PPP1R7: variants seen among roughly 807,000 people sequenced by gnomAD.
PPP1R7 encodes the protein protein phosphatase 1 regulatory subunit 22.
In PPP1R7, 18 loss-of-function variants were observed where a neutral mutation model predicts 45.2. The observed-to-expected ratio is 0.40, with a 90% CI of 0.28 to 0.59. The LOEUF is 0.59. Ranked by LOEUF, PPP1R7 falls within the 20% of genes least tolerant of loss-of-function variation. PPP1R7 has a pLI of 0.46. For missense variants in PPP1R7, 314 were observed against 455.8 expected, an observed-to-expected ratio of 0.69 and a Z score of 2.83; for synonymous variants, 181 against 183.4, an observed-to-expected ratio of 0.99 and a Z score of 0.11.
At chr2:241,154,000 T>C (rs2067383294) in intron 2 of PPP1R7, among the ~76,000 whole-genome samples, 2 of 151,420 alleles carry the variant, frequency 1.3e-5, no homozygotes, top group African/African-American at 2.4e-5. Context: ...GCCAACATGG[T>C]GAAACCCTGT....
At chr2:241,151,182 G>A (rs765678880) in intron 1 of PPP1R7, among the ~76,000 whole-genome samples, 1 of 152,168 alleles carries the variant, frequency 6.6e-6, no homozygotes, top group Non-Finnish European at 1.5e-5. Context: ...CTGCATATCT[G>A]TAGGTACAGT....
In PPP1R7 at chr2:241,158,943, A is replaced by ACGCCTCCCTC. The variant is rs1236181120; in HGVS notation, c.304-268_304-259dup. 54 of 454,530 alleles carry ACGCCTCCCTC rather than the reference A, an allele frequency of 1.2e-4. No homozygotes were observed. The South Asian group carries it at 1.3e-3, about 11-fold the overall frequency. 28.2% of individuals were successfully genotyped at this position (454,530 alleles called of 1,614,324 possible). Reference sequence around the variant, plus strand: ...TGGCAGACACCCACACCCCAGGCCAACGCCTCCCTCCCCAACTGGCCTGCT... The same window carrying ACGCCTCCCTC: ...TGGCAGACACCCACACCCCAGGCCAACGCCTCCCTCCGCCTCCCTCCCCAACTGGCCTGCT... On this transcript the variant is annotated intron_variant, in intron 4 of 9. Transcript: ENST00000234038.
At chr2:241,180,969 C>T (rs990569610) in intron 9 of PPP1R7, among the ~76,000 whole-genome samples, 7 of 152,102 alleles carry the variant, frequency 4.6e-5, no homozygotes, top group Non-Finnish European at 8.8e-5. Context: ...GAGGCTGAGG[C>T]GGGTGGATCA....
At chr2:241,151,925 T>G (rs563738298) in intron 1 of PPP1R7, among the ~76,000 whole-genome samples, 327 of 152,362 alleles carry the variant, frequency 2.1e-3, no homozygotes, top group African/African-American at 7.3e-3. Context: ...TTTTCTTACA[T>G]GCAGAGCCAC....
chr2:241,169,794 T>C lies in PPP1R7; in HGVS notation c.833T>C (p.Met278Thr), dbSNP rs369724472. ...EGLENNNKLT[M>T]LDIASNRIKK... ...TCCTTCTTTTAGAACAAACTCACGATGTTGGACATTGCATCAAATAGAATC... is the reference window on the plus strand; with the variant it reads ...TCCTTCTTTTAGAACAAACTCACGACGTTGGACATTGCATCAAATAGAATC... Residue 278 changes from methionine to threonine, a missense_variant, in exon 9 of 10, where the codon ATG becomes ACG. By Grantham distance (81) the Met-to-Thr change is moderately conservative (BLOSUM62 -1). Around this residue, in one of 3 missense-constraint regions of PPP1R7, gnomAD observed 168 missense variants for 285.3 expected, o/e 0.59. Transcript: ENST00000234038. 2.5e-5 allele frequency: 41 copies of C among 1,609,958 alleles called. No individual in the cohort carries two copies. Among genetic ancestry groups the C allele is most frequent in the Non-Finnish European group, 3.3e-5 (39 of 1,176,142 alleles).
intron 9 of PPP1R7, among the ~76,000 whole-genome samples, chr2:241,176,374 G>C (rs2067908055): frequency 1.3e-5 from 2 of 152,126 alleles, no homozygotes; most frequent in African/African-American, 2.4e-5. Flanking sequence ...GGTACCACTT[G>C]AAAACTAGGG....
intron 2 of PPP1R7, among the ~76,000 whole-genome samples, chr2:241,154,425 C>T (rs980046858): frequency 3.9e-5 from 6 of 152,008 alleles, no homozygotes; most frequent in Admixed American, 2.6e-4. Flanking sequence ...TAATGGCTTA[C>T]GCCTGTAATC....
chr2:241,172,716 T>C (rs2067838265), intron 9 of PPP1R7, among the ~76,000 whole-genome samples: 1 of 152,190 alleles, frequency 6.6e-6, no homozygotes, highest in Non-Finnish European at 1.5e-5. Context: ...GTTTATTCTT[T>C]CGTGTGGATC....
rs2068041734 is a variant in PPP1R7, at chr2:241,183,317, AT to A, written c.*496del. 2.3e-6 allele frequency: 1 copy of A among 437,274 alleles called. No homozygotes were observed. Among genetic ancestry groups the A allele is most frequent in the African/African-American group, 2.1e-5 (1 of 48,138 alleles). 27.1% of individuals were successfully genotyped at this position (437,274 alleles called of 1,614,324 possible). ...CCCAGCCATTTTCAATTTTTTAAAAATTAGGTAAGTTAAAAAAGCTGGGTAA... is the reference window on the plus strand; with the variant it reads ...CCCAGCCATTTTCAATTTTTTAAAAATAGGTAAGTTAAAAAAGCTGGGTAA... On this transcript the variant is annotated 3_prime_UTR_variant, in exon 10 of 10. Transcript: ENST00000234038.
intron 6 of PPP1R7, among the ~76,000 whole-genome samples, chr2:241,162,316 A>G (rs1028588942): frequency 6.6e-6 from 1 of 152,172 alleles, no homozygotes; most frequent in Non-Finnish European, 1.5e-5. Context: ...CATGCACCTT[A>G]TCTGGTTATT....
At chr2:241,169,753 C>T in intron 8 of PPP1R7, 28 bp from the exon 9 acceptor site, 1 of 1,556,952 alleles carries the variant, frequency 6.4e-7, no homozygotes, top group Non-Finnish European at 8.9e-7. Context: ...AGAGGTAATC[C>T]AGGAAACATT....
intron 2 of PPP1R7, among the ~76,000 whole-genome samples, chr2:241,156,798 T>C (rs2067467577): frequency 6.6e-6 from 1 of 152,222 alleles, no homozygotes; most frequent in South Asian, 2.1e-4. Flanking sequence ...GTTGAGGAAA[T>C]ACGAACACTG....
In PPP1R7 at chr2:241,166,393, G is replaced by C; in HGVS notation, c.771G>C (p.Leu257=). 6.2e-7 allele frequency: 1 copy of C among 1,614,018 alleles called. No individual in the cohort carries two copies. Among genetic ancestry groups the C allele is most frequent in the Non-Finnish European group, 8.5e-7 (1 of 1,179,916 alleles). ...GLQNLVNLRE[L]YLSHNGIEVI... The stretch of plus-strand genomic sequence containing the variant: ...AGAACCTGGTGAACCTGCGGGAGCT[G>C]TACCTTAGCCACAATGGCATCGAGG... The change falls in exon 8 of 10, where the codon CTG becomes CTC. Residue 257 remains leucine (L), a synonymous_variant. Coordinates refer to ENST00000234038, the MANE Select transcript of PPP1R7 (RefSeq NM_002712.3).
chr2:241,176,011 C>A (rs1040872483), intron 9 of PPP1R7, among the ~76,000 whole-genome samples: 1 of 152,146 alleles, frequency 6.6e-6, no homozygotes. Context: ...CTCCTGACCT[C>A]AGGTAATCCG....
intron 2 of PPP1R7, among the ~76,000 whole-genome samples, chr2:241,155,445 G>A (rs1435155013): frequency 1.3e-5 from 2 of 152,278 alleles, no homozygotes; most frequent in African/African-American, 4.8e-5. Context: ...AGCCCTTAGA[G>A]GAGCCAAGAC....
chr2:241,156,521 A>T (rs2067460800), intron 2 of PPP1R7, among the ~76,000 whole-genome samples: 1 of 152,138 alleles, frequency 6.6e-6, no homozygotes. Context: ...ACATGGTTTT[A>T]AAAAATTAGC....
chr2:241,157,245 G>A (rs1424228459), intron 2 of PPP1R7, among the ~76,000 whole-genome samples: 1 of 152,198 alleles, frequency 6.6e-6, no homozygotes, highest in African/African-American at 2.4e-5. Flanking sequence ...GTTGAACTAT[G>A]TTTTGTTTTG....
rs555038542 is a variant in PPP1R7 at position 241,160,851 on chromosome 2, G to A, written c.597+357G>A. 1.8e-3 allele frequency among the ~76,000 whole-genome samples: 278 copies of A among 152,228 alleles called. 3 individuals are homozygous for A. In the South Asian group the frequency reaches 0.021, roughly 11 times the overall value. ...GTCATCTTCTCTGGCATGCTTCTTCGAGATGAAAGTTTCCCAAGCCCAGCA... is the reference window on the plus strand; with the variant it reads ...GTCATCTTCTCTGGCATGCTTCTTCAAGATGAAAGTTTCCCAAGCCCAGCA... On this transcript the variant is annotated intron_variant, in intron 6 of 9. Transcript: ENST00000234038.
At chr2:241,176,811 C>A (rs2067916081) in intron 9 of PPP1R7, among the ~76,000 whole-genome samples, 4 of 152,326 alleles carry the variant, frequency 2.6e-5, no homozygotes, top group Admixed American at 2.6e-4. Flanking sequence ...ACAGTGTTAT[C>A]TGTCAGGTTG....
Sources: gnomAD v4.1 joint callset for allele counts (sites outside exome capture counted in the v4.1 genomes callset) on GRCh38, gnomAD v4.1.1 for gene constraint, gnomAD v4.1.1 regional missense constraint, MANE v1.5 for transcripts, NCBI Gene and HGNC (gene_info 2026-07-23, HGNC 2026-07-21) for gene names.